Variants in FGF1 observed in about 807,000 individuals in gnomAD.
FGF1 encodes fibroblast growth factor 1.
In FGF1, 9 loss-of-function variants were observed where a neutral mutation model predicts 13.4. The ratio of observed to expected loss-of-function variants is 0.67; its 90% CI spans 0.40 to 1.17. FGF1 has a LOEUF of 1.17. Ranked by LOEUF, FGF1 falls within the 50% of genes most tolerant of loss-of-function variation. The pLI is 0.01. For missense variants in FGF1, 156 were observed against 192.7 expected, an observed-to-expected ratio of 0.81 and a Z score of 1.13; for synonymous variants, 93 against 79.0, an observed-to-expected ratio of 1.18 and a Z score of -0.94.
At chr5:142,689,811 G>GCCT (rs1751871581), upstream of FGF1, among the ~76,000 whole-genome samples, 1 of 146,604 alleles carries the variant, frequency 6.8e-6, no homozygotes, top group South Asian at 2.2e-4. Flanking sequence ...CCATTCTCCT[G>GCCT]CCTCAGCCTC....
chr5:142,668,530 A>G (rs1232272841), intron 1 of FGF1, among the ~76,000 whole-genome samples: 2 of 152,170 alleles, frequency 1.3e-5, no homozygotes, highest in East Asian at 3.9e-4. Context: ...AGACACAGTT[A>G]GGTAATAAAG....
Position 142,599,770 on chromosome 5 carries a change from A to G in FGF1, c.273+932T>C, listed in dbSNP as rs1253484829. ...GTCAAACCTGTATAAAGCACTAGCT[A>G]TGATAGGGAAAGGGCAGGGAACATG... On this transcript the variant is annotated intron_variant, in intron 3 of 3. Transcript: ENST00000337706. 3.3e-5 allele frequency among the ~76,000 whole-genome samples: 5 copies of G among 152,224 alleles called. 1 individual carries two copies. The highest frequency in any genetic ancestry group is 4.1e-4 in the South Asian group (2 of 4,834).
At chr5:142,643,084 A>T (rs566038958) in intron 1 of FGF1, among the ~76,000 whole-genome samples, 2 of 152,150 alleles carry the variant, frequency 1.3e-5, no homozygotes, top group South Asian at 4.1e-4. Flanking sequence ...ACTATATCCA[A>T]CGCACCCCAG....
Position 142,662,029 on chromosome 5 carries a change from A to G in FGF1, c.-35+23928T>C, listed in dbSNP as rs182582196. ...AAAACAAAAAACAAAAAACACACAGACAAAAAAAAACCCACATATTGTACG... is the reference window on the plus strand; with the variant it reads ...AAAACAAAAAACAAAAAACACACAGGCAAAAAAAAACCCACATATTGTACG... On this transcript the variant is annotated intron_variant, in intron 1 of 3. Coordinates refer to ENST00000337706, the MANE Select transcript of FGF1 (RefSeq NM_000800.5). 8.6e-5 allele frequency among the ~76,000 whole-genome samples: 13 copies of G among 152,042 alleles called. No homozygotes were observed. In the East Asian group the frequency reaches 2.5e-3, roughly 29 times the overall value.
At chr5:142,661,815 A>G (rs564508457) in intron 1 of FGF1, among the ~76,000 whole-genome samples, 1 of 152,274 alleles carries the variant, frequency 6.6e-6, no homozygotes, top group East Asian at 1.9e-4. Flanking sequence ...CATCCTGGCT[A>G]ACACGATGAA....
intron 1 of FGF1, among the ~76,000 whole-genome samples, chr5:142,662,952 C>A (rs2152004135): frequency 6.6e-6 from 1 of 152,144 alleles, no homozygotes; most frequent in South Asian, 2.1e-4. Flanking sequence ...GCCTCCCAAG[C>A]AGCTGGAAGC....
intron 1 of FGF1, among the ~76,000 whole-genome samples, chr5:142,655,636 C>G (rs1469398519): frequency 6.6e-6 from 1 of 152,212 alleles, no homozygotes; most frequent in Non-Finnish European, 1.5e-5. Flanking sequence ...TTTTTAAAAA[C>G]TAGTCATCAA....
chr5:142,607,273 C>T (rs977574601), intron 2 of FGF1, among the ~76,000 whole-genome samples: 1 of 152,118 alleles, frequency 6.6e-6, no homozygotes, highest in African/African-American at 2.4e-5. Flanking sequence ...CTTCTCTGTC[C>T]ACTCCCTTTT....
chr5:142,685,352 C>G (rs1774468538), intron 1 of FGF1: 1 of 152,202 alleles, frequency 6.6e-6, no homozygotes, highest in Admixed American at 6.5e-5. Context: ...CCCAGATAAT[C>G]CTAAACTTCA....
rs549120682 is a variant in FGF1, at chr5:142,602,222, G to A, written c.170-1417C>T. ...GACGGAGTCTTGTTCTGTTGCCCAG[G>A]CTGAAGTGCAGTGGCGCGATCTCGG... On this transcript the variant is annotated intron_variant, in intron 2 of 3. Coordinates refer to ENST00000337706, the MANE Select transcript of FGF1 (RefSeq NM_000800.5). Among the ~76,000 whole-genome samples the A allele has an allele frequency of 8.6e-5, 13 of 151,940 alleles. No homozygotes were observed. In the South Asian group the frequency reaches 2.7e-3, roughly 32 times the overall value.
chr5:142,622,879 G>C (rs1291476331), intron 1 of FGF1, among the ~76,000 whole-genome samples: 1 of 152,242 alleles, frequency 6.6e-6, no homozygotes, highest in African/African-American at 2.4e-5. Flanking sequence ...AACCAGTTCT[G>C]TTCCATGAGC....
intron 2 of FGF1, chr5:142,601,009 C>A: frequency 3.2e-6 from 2 of 631,846 alleles, no homozygotes; most frequent in South Asian, 3.1e-5. Context: ...GGAATTACGT[C>A]CTTGGGAAAG....
At chr5:142,620,403 G>A (rs1306286574) in intron 1 of FGF1, among the ~76,000 whole-genome samples, 1 of 151,766 alleles carries the variant, frequency 6.6e-6, no homozygotes, top group Non-Finnish European at 1.5e-5. Context: ...GGGTGACAGA[G>A]CAAGACTCCG....
chr5:142,629,222 T>C (rs542774070), intron 1 of FGF1, among the ~76,000 whole-genome samples: 40 of 152,210 alleles, frequency 2.6e-4, no homozygotes, highest in Non-Finnish European at 4.7e-4. Context: ...GTGGCACGAA[T>C]ACAGCTCACT....
intron 1 of FGF1, among the ~76,000 whole-genome samples, chr5:142,619,178 C>A (rs596452): frequency 2.0e-5 from 3 of 151,336 alleles, no homozygotes; most frequent in Admixed American, 1.3e-4. Flanking sequence ...TCGTGATCCA[C>A]CCGCCTCAGC....
intron 3 of FGF1, among the ~76,000 whole-genome samples, chr5:142,597,111 A>G (rs1755443650): frequency 6.6e-6 from 1 of 152,276 alleles, no homozygotes; most frequent in Admixed American, 6.5e-5. Context: ...ACCATTTGCA[A>G]GACTTAGAAT....
intron 1 of FGF1, among the ~76,000 whole-genome samples, chr5:142,646,075 A>AT (rs1320586376): frequency 6.7e-6 from 1 of 149,266 alleles, no homozygotes; most frequent in Admixed American, 6.6e-5. Flanking sequence ...CACCCGGCTA[A>AT]TTTTTTTGTA....
chr5:142,614,953 A>G (rs1037350741), intron 1 of FGF1, among the ~76,000 whole-genome samples: 1 of 152,066 alleles, frequency 6.6e-6, no homozygotes, highest in Non-Finnish European at 1.5e-5. Flanking sequence ...CATCCTAGCT[A>G]TTTTCTAATG....
At chr5:142,639,755 G>A (rs1764854402) in intron 1 of FGF1, among the ~76,000 whole-genome samples, 1 of 152,090 alleles carries the variant, frequency 6.6e-6, no homozygotes, top group South Asian at 2.1e-4. Context: ...AATGTTGCGA[G>A]GTGATGGATA....
Sources: allele counts gnomAD v4.1 joint callset (sites outside exome capture counted in the v4.1 genomes callset), GRCh38; gene constraint gnomAD v4.1.1; transcripts MANE v1.5; gene names NCBI Gene and HGNC (gene_info 2026-07-23, HGNC 2026-07-21).